The following ERCC6L2 variants were observed in gnomAD, a reference collection of about 807,000 sequenced individuals.
ERCC6L2 encodes ERCC excision repair 6 like 2.
ERCC6L2 carries 77 observed loss-of-function variants against 132.0 expected under a neutral mutation model. The observed-to-expected ratio is 0.58, with a 90% CI of 0.49 to 0.71. The LOEUF (loss-of-function observed/expected upper bound fraction) is 0.71. Ranked by LOEUF, ERCC6L2 falls within the 30% of genes least tolerant of loss-of-function variation. The pLI, the probability that ERCC6L2 is intolerant of heterozygous loss-of-function variation, is 0.00. For synonymous variants in ERCC6L2, 583 were observed against 632.4 expected (o/e 0.92, Z 1.17); for missense variants, 1,542 against 1,837.6 (o/e 0.84, Z 2.94).
intron 12 of ERCC6L2, 146 bp downstream of exon 12, chr9:95,941,695 T>C (rs764181052): frequency 8.6e-5 from 53 of 614,718 alleles, no homozygotes; most frequent in Non-Finnish European, 1.5e-4. Flanking sequence ...ATCCTGACCT[T>C]CTCAATCCAA....
intron 14 of ERCC6L2, 137 bp downstream of exon 14, chr9:95,966,851 A>T: frequency 1.7e-6 from 1 of 585,642 alleles, no homozygotes; most frequent in Non-Finnish European, 2.7e-6. Context: ...TGGAATTTTT[A>T]CTTTTAGAGA....
chr9:95,881,233 C>T lies in ERCC6L2; in HGVS notation c.411C>T (p.His137=), dbSNP rs754981892. The T allele has an allele frequency of 1.1e-5, 17 of 1,594,636 alleles. No homozygotes were observed. Among genetic ancestry groups the T allele is most frequent in the African/African-American group, 1.4e-5 (1 of 73,392 alleles). Residue 137 remains histidine, a synonymous_variant, in exon 2 of 19, where the codon CAC becomes CAT. Coordinates refer to ENST00000653738, the MANE Select transcript of ERCC6L2 (RefSeq NM_020207.7). The part of the protein sequence containing the change: ...QREGTRFLYG[H]YIHGGGCILG... Reference sequence around the variant, plus strand: ...AAGGAACCCGGTTTCTTTATGGACACTACATCCATGGAGGAGGGTGCATTC... The same window carrying T: ...AAGGAACCCGGTTTCTTTATGGACATTACATCCATGGAGGAGGGTGCATTC...
At chr9:95,904,114 T>G (rs141040201) in intron 3 of ERCC6L2, among the ~76,000 whole-genome samples, 36 of 152,104 alleles carry the variant, frequency 2.4e-4, no homozygotes, top group Non-Finnish European at 4.1e-4. Context: ...TGTTAGGTAT[T>G]TTTGAGAGAG....
intron 2 of ERCC6L2, among the ~76,000 whole-genome samples, chr9:95,894,746 C>T (rs1828361041): frequency 1.3e-5 from 2 of 151,994 alleles, no homozygotes; most frequent in Admixed American, 1.3e-4. Flanking sequence ...AGGCACACGC[C>T]ACCATGCCCA....
At chr9:95,936,968 T>C (rs1380664691) in intron 11 of ERCC6L2, among the ~76,000 whole-genome samples, 1 of 152,184 alleles carries the variant, frequency 6.6e-6, no homozygotes, top group Non-Finnish European at 1.5e-5. Context: ...TCTTTTCTTT[T>C]TATTGCTCTT....
At chr9:95,957,373 T>C (rs775127415) in intron 13 of ERCC6L2, among the ~76,000 whole-genome samples, 18 of 152,200 alleles carry the variant, frequency 1.2e-4, no homozygotes, top group Middle Eastern at 3.4e-3. Context: ...GTTTTTGTTT[T>C]GTCTTAAAGC....
intron 2 of ERCC6L2, among the ~76,000 whole-genome samples, chr9:95,890,728 T>C (rs1828113435): frequency 6.6e-6 from 1 of 152,128 alleles, no homozygotes; most frequent in Non-Finnish European, 1.5e-5. Flanking sequence ...AATGCAGTGG[T>C]GCAGTGTTGG....
chr9:95,910,559 C>T (rs1461717194), intron 4 of ERCC6L2, among the ~76,000 whole-genome samples: 1 of 152,126 alleles, frequency 6.6e-6, no homozygotes, highest in Non-Finnish European at 1.5e-5. Flanking sequence ...ATGTAAATAG[C>T]TTTTCCTGTT....
rs1334480466 is a variant in ERCC6L2 at position 95,972,795 on chromosome 9, A to G, written c.3044A>G (p.Asn1015Ser). The G allele has an allele frequency of 2.3e-6, 3 of 1,304,292 alleles. No individual in the cohort carries two copies. The highest frequency in any genetic ancestry group is 3.0e-6 in the Non-Finnish European group (3 of 988,910). 80.8% of individuals were successfully genotyped at this position (1,304,292 alleles called of 1,614,324 possible). ...AAAGAAACCAAAAAAGAACTTCACA[A>G]TTCTCCCAAAACAATGAACAAAACA... is the stretch of plus-strand genomic sequence containing the variant. ...RIKETKKELHNSPKTMNKTNQ... is the reference protein window; with the variant it reads ...RIKETKKELHSSPKTMNKTNQ... The change falls in exon 16 of 19, where the codon AAT becomes AGT. Residue 1015 changes from asparagine to serine, a missense_variant. Asn to Ser is a conservative substitution (Grantham distance 46). Around this residue, in one of 4 missense-constraint regions of ERCC6L2, gnomAD observed 945 missense variants for 1,105.2 expected, o/e 0.86. Transcript: ENST00000653738.
intron 12 of ERCC6L2, among the ~76,000 whole-genome samples, chr9:95,951,158 C>A (rs1831313540): frequency 6.6e-6 from 1 of 151,946 alleles, no homozygotes; most frequent in East Asian, 1.9e-4. Context: ...TAGAAATCAA[C>A]AGCGGAAGAA....
chr9:95,948,818 A>T (rs1339789790), intron 12 of ERCC6L2, among the ~76,000 whole-genome samples: 2 of 151,848 alleles, frequency 1.3e-5, no homozygotes, highest in East Asian at 3.9e-4. Context: ...AGAAAAGAAA[A>T]GAAAGAAAAT....
intron 12 of ERCC6L2, among the ~76,000 whole-genome samples, chr9:95,949,337 A>G (rs1460191424): frequency 1.3e-5 from 2 of 152,194 alleles, no homozygotes; most frequent in African/African-American, 4.8e-5. Flanking sequence ...AAATATGGAT[A>G]TACAAATACA....
At chr9:95,938,987 T>C (rs1339974493) in intron 11 of ERCC6L2, among the ~76,000 whole-genome samples, 1 of 152,054 alleles carries the variant, frequency 6.6e-6, no homozygotes, top group Admixed American at 6.6e-5. Flanking sequence ...GTATTTACAT[T>C]GTACATAGTA....
At chr9:95,940,075 T>C (rs1564244277) in intron 11 of ERCC6L2, among the ~76,000 whole-genome samples, 2 of 152,146 alleles carry the variant, frequency 1.3e-5, no homozygotes, top group Admixed American at 6.5e-5. Context: ...CCTGTTATCA[T>C]TGGGAAGAAA....
chr9:95,999,321 G>A (rs569604077), intron 17 of ERCC6L2, among the ~76,000 whole-genome samples: 9 of 151,814 alleles, frequency 5.9e-5, no homozygotes, highest in African/African-American at 1.9e-4. Flanking sequence ...AGATCACGCC[G>A]CTGCACTCCA....
intron 6 of ERCC6L2, among the ~76,000 whole-genome samples, chr9:95,917,365 G>A (rs929686894): frequency 3.3e-5 from 5 of 152,178 alleles, no homozygotes; most frequent in East Asian, 1.9e-4. Flanking sequence ...TAAAGGTTCT[G>A]TAGATTACTA....
chr9:96,004,596 C>T lies in ERCC6L2; in HGVS notation c.3569C>T (p.Ser1190Leu), dbSNP rs1456538065. Residue 1190 changes from serine (S) to leucine (L), a missense_variant, in exon 18 of 19, where the codon TCA becomes TTA. By Grantham distance (145) the Ser-to-Leu change is moderately radical. Transcript: ENST00000653738. Reference sequence around the variant, plus strand: ...CAGCAACCGAGTGAAGGCAGCATTTCACTTCCTCTTTACATTTCAAATCCT... The same window carrying T: ...CAGCAACCGAGTGAAGGCAGCATTTTACTTCCTCTTTACATTTCAAATCCT... Reference protein sequence around the residue: ...KGQQPSEGSISLPLYISNPVN... With the variant: ...KGQQPSEGSILLPLYISNPVN... 7.6e-7 allele frequency: 1 copy of T among 1,314,922 alleles called. No individual in the cohort carries two copies. Among genetic ancestry groups the T allele is most frequent in the Admixed American group, 2.2e-5 (1 of 44,606 alleles). 81.5% of individuals were successfully genotyped at this position (1,314,922 alleles called of 1,614,324 possible). A position where few individuals can be genotyped will look rare whatever the true frequency, so the allele number is the denominator to read the frequency against.
At chr9:95,906,757 G>A (rs1829058591) in intron 3 of ERCC6L2, 5 of 464,606 alleles carry the variant, frequency 1.1e-5, no homozygotes, top group South Asian at 8.1e-5. Flanking sequence ...CTGGGATCCA[G>A]ATTTTATTCT....
At chr9:95,887,024 A>G (rs895581281) in intron 2 of ERCC6L2, among the ~76,000 whole-genome samples, 1 of 152,250 alleles carries the variant, frequency 6.6e-6, no homozygotes, top group Admixed American at 6.5e-5. Context: ...GCCTGCAGAC[A>G]TGCTATTGTG....
Sources: gnomAD v4.1 joint callset for allele counts (sites outside exome capture counted in the v4.1 genomes callset) on GRCh38, gnomAD v4.1.1 for gene constraint, gnomAD v4.1.1 regional missense constraint, MANE v1.5 for transcripts, NCBI Gene and HGNC (gene_info 2026-07-23, HGNC 2026-07-21) for gene names.